DCC: variants seen among roughly 807,000 people sequenced by gnomAD.
DCC encodes DCC netrin 1 receptor, also known as netrin receptor DCC.
In DCC, 58 loss-of-function variants were observed where a neutral mutation model predicts 172.5. The ratio of observed to expected loss-of-function variants is 0.34; its 90% CI spans 0.27 to 0.42. The LOEUF is 0.42. Ranked by LOEUF, DCC falls within the 10% of genes least tolerant of loss-of-function variation. The pLI is 1.00. For missense variants in DCC, 1,740 were observed against 1,791.0 expected, an observed-to-expected ratio of 0.97 and a Z score of 0.51; for synonymous variants, 709 against 644.5, an observed-to-expected ratio of 1.10 and a Z score of -1.52.
At chr18:53,277,231 A>C (rs2056816297) in intron 12 of DCC, among the ~76,000 whole-genome samples, 1 of 152,172 alleles carries the variant, frequency 6.6e-6, no homozygotes, top group African/African-American at 2.4e-5. Flanking sequence ...GCACTTTGGG[A>C]GGCCAAGGCG....
chr18:53,080,144 A>G (rs1164380278), intron 7 of DCC, among the ~76,000 whole-genome samples: 1 of 152,140 alleles, frequency 6.6e-6, no homozygotes, highest in Non-Finnish European at 1.5e-5. Context: ...ATTGACCTCA[A>G]CTGTGCAAGA....
At chr18:53,010,724 A>G (rs2041716776) in intron 5 of DCC, among the ~76,000 whole-genome samples, 1 of 151,030 alleles carries the variant, frequency 6.6e-6, no homozygotes, top group East Asian at 1.9e-4. Flanking sequence ...ATTATTTATA[A>G]TGTTTATGAT....
intron 17 of DCC, among the ~76,000 whole-genome samples, chr18:53,394,304 G>C (rs1209498618): frequency 1.3e-5 from 2 of 152,186 alleles, no homozygotes. Context: ...GACAGAGGTA[G>C]GTGATATAAC....
At chr18:52,700,341 G>C (rs1176233755) in intron 1 of DCC, among the ~76,000 whole-genome samples, 1 of 134,314 alleles carries the variant, frequency 7.4e-6, no homozygotes, top group Non-Finnish European at 1.6e-5. Context: ...GCACACCCAT[G>C]CACACTCACT....
intron 1 of DCC, among the ~76,000 whole-genome samples, chr18:52,561,682 C>T (rs2033042785): frequency 6.6e-6 from 1 of 152,028 alleles, no homozygotes; most frequent in South Asian, 2.1e-4. Context: ...GCTTTCTGCT[C>T]AAAAAAGAAC....
chr18:53,175,765 C>T (rs1394822972), intron 8 of DCC, among the ~76,000 whole-genome samples: 4 of 151,860 alleles, frequency 2.6e-5, no homozygotes, highest in African/African-American at 4.8e-5. Context: ...AGGTAATTTA[C>T]AGATTCAATG....
intron 14 of DCC, among the ~76,000 whole-genome samples, chr18:53,332,408 AAACTTGTGGTAGTAAC>A (rs563301255): frequency 5.4e-4 from 83 of 152,318 alleles, no homozygotes; most frequent in African/African-American, 1.9e-3. Flanking sequence ...TGAACTGTAA[AAACTTGTGGTAGTAAC>A]AAAATTTGTA....
At chr18:53,175,135 G>T (rs2055071515) in intron 8 of DCC, among the ~76,000 whole-genome samples, 2 of 152,094 alleles carry the variant, frequency 1.3e-5, no homozygotes. Flanking sequence ...AACCCTTCAT[G>T]CTAAAAACTC....
At chr18:52,686,369 C>T (rs918953780) in intron 1 of DCC, among the ~76,000 whole-genome samples, 1 of 152,128 alleles carries the variant, frequency 6.6e-6, no homozygotes, top group Admixed American at 6.6e-5. Flanking sequence ...TGGCTAAGCC[C>T]TTATAGCATA....
At chr18:52,819,725 T>TC (rs528645418) in intron 2 of DCC, among the ~76,000 whole-genome samples, 1 of 11,136 alleles carries the variant, frequency 9.0e-5, no homozygotes, top group Non-Finnish European at 3.4e-4. Flanking sequence ...ACTTGTGAAC[T>TC]TTTTTTTTTT....
intron 1 of DCC, among the ~76,000 whole-genome samples, chr18:52,459,711 T>G (rs1988569139): frequency 6.6e-6 from 1 of 152,006 alleles, no homozygotes; most frequent in Non-Finnish European, 1.5e-5. Context: ...CCTCGTGATA[T>G]GCCCGCCTCA....
chr18:52,872,669 A>G (rs1411810605), intron 2 of DCC, among the ~76,000 whole-genome samples: 2 of 152,244 alleles, frequency 1.3e-5, no homozygotes, highest in African/African-American at 4.8e-5. Flanking sequence ...GAACGTGTCC[A>G]GGAAATGTGA....
chr18:52,895,806 A>G (rs1160068491), intron 2 of DCC, among the ~76,000 whole-genome samples: 1 of 152,042 alleles, frequency 6.6e-6, no homozygotes, highest in Non-Finnish European at 1.5e-5. Flanking sequence ...TTGTTTTGGG[A>G]CAGACTGTTG....
intron 15 of DCC, among the ~76,000 whole-genome samples, chr18:53,343,332 T>C (rs1416998566): frequency 2.0e-5 from 3 of 152,024 alleles, no homozygotes; most frequent in African/African-American, 7.2e-5. Context: ...ATTAAAGAAA[T>C]GCTATACTCT....
intron 21 of DCC, among the ~76,000 whole-genome samples, chr18:53,418,477 C>A (rs986015806): frequency 2.0e-5 from 3 of 152,140 alleles, no homozygotes; most frequent in Non-Finnish European, 2.9e-5. Flanking sequence ...CACTGTTAGA[C>A]CTATTTGCCC....
In DCC at chr18:52,804,737, C is replaced by T. The variant is rs2038056732; in HGVS notation, c.412+52363C>T. Among the ~76,000 whole-genome samples the T allele has an allele frequency of 3.9e-5, 6 of 152,234 alleles. 1 individual carries two copies. In the South Asian group the frequency reaches 1.2e-3, roughly 32 times the overall value. On this transcript the variant is annotated intron_variant, in intron 2 of 28. Coordinates refer to ENST00000442544, the MANE Select transcript of DCC (RefSeq NM_005215.4). ...TTGCTGGGATTACAGGCATGTGCCA[C>T]CAAGCCCAGCTAATTTTTGTATTTT...
chr18:52,857,203 G>T (rs2039069332), intron 2 of DCC, among the ~76,000 whole-genome samples: 1 of 152,208 alleles, frequency 6.6e-6, no homozygotes, highest in Non-Finnish European at 1.5e-5. Context: ...AATGCCTAAT[G>T]GCGTGAATCT....
rs530975710 is a variant in DCC, at chr18:52,961,441, T to C, written c.985+36071T>C. Among the ~76,000 whole-genome samples, 11 of 152,260 alleles carry C rather than the reference T, an allele frequency of 7.2e-5. No individual in the cohort carries two copies. The East Asian group carries it at 2.1e-3, about 29-fold the overall frequency. ...TATCTTTATATGAAAAGTTCAGTGC[T>C]ACCTTTCTGTACCACAATAATGGAT... On this transcript the variant is annotated intron_variant, in intron 5 of 28. Coordinates refer to ENST00000442544, the MANE Select transcript of DCC (RefSeq NM_005215.4).
intron 7 of DCC, among the ~76,000 whole-genome samples, chr18:53,133,318 A>G (rs2043686324): frequency 6.6e-6 from 1 of 152,196 alleles, no homozygotes; most frequent in Non-Finnish European, 1.5e-5. Flanking sequence ...TGTAGTACAA[A>G]TGCTGTAAGT....
Sources: gnomAD v4.1 joint callset for allele counts (sites outside exome capture counted in the v4.1 genomes callset) on GRCh38, gnomAD v4.1.1 for gene constraint, MANE v1.5 for transcripts, NCBI Gene and HGNC (gene_info 2026-07-23, HGNC 2026-07-21) for gene names.